The following UROC1 variants were observed in gnomAD, a reference collection of about 807,000 sequenced individuals.
UROC1 encodes the protein urocanate hydratase 1, also known as urocanate hydratase.
In UROC1, 79 loss-of-function variants were observed where a neutral mutation model predicts 89.5. The observed-to-expected ratio is 0.88, with a 90% CI of 0.74 to 1.06. The LOEUF is 1.06. UROC1 is among the 50% of genes least tolerant of loss of function. The pLI, the probability that UROC1 is intolerant of heterozygous loss-of-function variation, is 0.00. For synonymous variants in UROC1, 361 were observed against 354.8 expected (o/e 1.02, Z -0.20); for missense variants, 885 against 907.8 (o/e 0.97, Z 0.32).
intron 4 of UROC1, 40 bp from the exon 5 acceptor site, chr3:126,508,135 GCAGCACCCCACACC>G: frequency 6.2e-7 from 1 of 1,612,786 alleles, no homozygotes; most frequent in Non-Finnish European, 8.5e-7. Context: ...GTCAACAGAA[GCAGCACCCCACACC>G]CAGCCCCACA....
intron 1 of UROC1, among the ~76,000 whole-genome samples, chr3:126,512,771 T>G (rs992285153): frequency 6.6e-6 from 1 of 152,114 alleles, no homozygotes; most frequent in Non-Finnish European, 1.5e-5. Context: ...CATGTAAACA[T>G]AAACCAGGAT....
chr3:126,503,882 AG>A (rs1935993718), intron 9 of UROC1, 112 bp downstream of exon 9: 3 of 1,113,880 alleles, frequency 2.7e-6, no homozygotes, highest in Non-Finnish European at 1.4e-6. Flanking sequence ...ACATGTAGCC[AG>A]CTGTCAGGCA....
chr3:126,488,480 G>A (rs1276917917), intron 17 of UROC1, among the ~76,000 whole-genome samples: 2 of 152,258 alleles, frequency 1.3e-5, no homozygotes. Context: ...ACTGACACAC[G>A]TCTAGTTGTC....
At chr3:126,504,169 T>C (rs1172317800) in intron 8 of UROC1, 86 bp from the exon 9 acceptor site, 16 of 1,350,846 alleles carry the variant, frequency 1.2e-5, no homozygotes, top group Admixed American at 1.7e-5. Flanking sequence ...ACTAGGAAGG[T>C]GTCATCCCCT....
At chr3:126,507,381 G>A (rs2107547839) in intron 6 of UROC1, among the ~76,000 whole-genome samples, 1 of 152,052 alleles carries the variant, frequency 6.6e-6, no homozygotes, top group Admixed American at 6.5e-5. Context: ...CAAGTTGAAT[G>A]GATGGATAGG....
At chr3:126,490,587 A>G (rs1184175440) in intron 16 of UROC1, among the ~76,000 whole-genome samples, 1 of 151,920 alleles carries the variant, frequency 6.6e-6, no homozygotes, top group African/African-American at 2.4e-5. Context: ...CGGGGAGCTG[A>G]GGCATGAGAA....
In UROC1 at chr3:126,510,797, G is replaced by T; in HGVS notation, c.127-3C>A. 1 of 1,612,790 alleles carries T rather than the reference G, an allele frequency of 6.2e-7. No individual in the cohort carries two copies. On this transcript the variant is annotated splice_polypyrimidine_tract_variant and splice_region_variant and intron_variant, in intron 1 of 19. Transcript: ENST00000290868. ...CGCAGGGCGTTCCTCAGCGCCAGCT[G>T]GGGTAGGAGAGCGGAGAGGCAGTCG...
rs747355111 is a variant in UROC1 at position 126,499,386 on chromosome 3, C to T, written c.1267G>A (p.Ala423Thr). 2 of 1,612,924 alleles carry T rather than the reference C, an allele frequency of 1.2e-6. No homozygotes were observed. Among genetic ancestry groups the T allele is most frequent in the East Asian group, 4.5e-5 (2 of 44,854 alleles). ...GGGTAGCGGAACTCTGTCCTGCCAGCACCTTTCTTCTCCACATCCGCTCCT... is the reference window on the plus strand; with the variant it reads ...GGGTAGCGGAACTCTGTCCTGCCAGTACCTTTCTTCTCCACATCCGCTCCT... ...RAGADVEKKG[A>T]GRTEFRYPSY... Residue 423 changes from alanine (A) to threonine (T), a missense_variant, in exon 13 of 20, where the codon GCT becomes ACT. Coordinates refer to ENST00000290868, the MANE Select transcript of UROC1 (RefSeq NM_144639.3).
intron 12 of UROC1, 129 bp from the exon 13 acceptor site, chr3:126,499,538 G>A: frequency 1.0e-6 from 1 of 957,358 alleles, no homozygotes. Flanking sequence ...TGTAAAAGAA[G>A]AGAAAAGCAG....
intron 3 of UROC1, 23 bp from the exon 4 acceptor site, chr3:126,508,498 T>C (rs1936121782): frequency 6.2e-7 from 1 of 1,607,128 alleles, no homozygotes; most frequent in Non-Finnish European, 8.5e-7. Flanking sequence ...CGGGGTCATC[T>C]GAGATGAGGG....
rs76088117 is a variant in UROC1, at chr3:126,486,926, T to C, written c.1790+1272A>G. Among the ~76,000 whole-genome samples, 391 of 152,266 alleles carry C rather than the reference T, an allele frequency of 2.6e-3. 4 individuals are homozygous for C. In the East Asian group the frequency reaches 0.034, roughly 13 times the overall value. On this transcript the variant is annotated intron_variant, in intron 18 of 19. Transcript: ENST00000290868. The stretch of plus-strand genomic sequence containing the variant: ...AAGTGTGATGGGTCCCAGGATGAAT[T>C]TGTGGCACTTTCCCAAAACACCCCT...
At position 126,513,156 on chromosome 3, in the gene UROC1, G is replaced by A. The variant is rs564285098; in HGVS notation, c.127-2362C>T. ...GCAGGGTGTGTGTGTGTGTGTGTGT[G>A]TGTGTGTGTGTGTTCAGCCTAGGAC... is the stretch of plus-strand genomic sequence containing the variant. On this transcript the variant is annotated intron_variant, in intron 1 of 19. Coordinates refer to ENST00000290868, the MANE Select transcript of UROC1 (RefSeq NM_144639.3). Among the ~76,000 whole-genome samples, 121 of 152,252 alleles carry A rather than the reference G, an allele frequency of 7.9e-4. 1 individual carries two copies. The highest frequency in any genetic ancestry group is 2.6e-3 in the African/African-American group (107 of 41,534).
intron 8 of UROC1, among the ~76,000 whole-genome samples, chr3:126,504,602 C>A (rs1325281868): frequency 6.6e-6 from 1 of 152,208 alleles, no homozygotes; most frequent in Non-Finnish European, 1.5e-5. Flanking sequence ...CCAATGCCAA[C>A]ACTGTTGGTT....
chr3:126,496,550 C>A (rs1171262438), intron 14 of UROC1, among the ~76,000 whole-genome samples: 1 of 152,174 alleles, frequency 6.6e-6, no homozygotes, highest in East Asian at 1.9e-4. Context: ...AGGGAACAGC[C>A]TTCCAGGCAG....
chr3:126,498,025 A>G (rs1935822688), intron 14 of UROC1, 26 bp downstream of exon 14: 2 of 1,613,726 alleles, frequency 1.2e-6, no homozygotes, highest in Admixed American at 1.7e-5. Flanking sequence ...CCACCCACCC[A>G]TGGGCATCCC....
At chr3:126,507,173 C>A (rs1936080464) in intron 6 of UROC1, among the ~76,000 whole-genome samples, 1 of 152,176 alleles carries the variant, frequency 6.6e-6, no homozygotes, top group African/African-American at 2.4e-5. Flanking sequence ...CTCTCTGGGG[C>A]ACTGGCCGCA....
At chr3:126,506,910 T>A (rs1296700070) in intron 6 of UROC1, among the ~76,000 whole-genome samples, 2 of 152,080 alleles carry the variant, frequency 1.3e-5, no homozygotes, top group African/African-American at 4.8e-5. Context: ...AAACCCCATC[T>A]CTACTAAAAA....
At chr3:126,506,420 GGAGAC>G (rs756370461) in intron 6 of UROC1, among the ~76,000 whole-genome samples, 1 of 152,174 alleles carries the variant, frequency 6.6e-6, no homozygotes, top group Non-Finnish European at 1.5e-5. Context: ...CCCCTCCACC[GGAGAC>G]GAGAGAAGTG....
chr3:126,494,356 G>A (rs1935726013), intron 15 of UROC1, among the ~76,000 whole-genome samples: 1 of 152,078 alleles, frequency 6.6e-6, no homozygotes, highest in Non-Finnish European at 1.5e-5. Context: ...CAGCCATGCT[G>A]GCATCCATCC....
Sources: gnomAD v4.1 joint callset for allele counts (sites outside exome capture counted in the v4.1 genomes callset) on GRCh38, gnomAD v4.1.1 for gene constraint, MANE v1.5 for transcripts, NCBI Gene and HGNC (gene_info 2026-07-23, HGNC 2026-07-21) for gene names.